The following SLC36A1 variants were observed in gnomAD, a reference collection of about 807,000 sequenced individuals.
SLC36A1 encodes the protein solute carrier family 36 member 1, also known as proton-coupled amino acid transporter 1.
A neutral mutation model predicts 47.5 loss-of-function variants in SLC36A1; 30 were observed. That is an observed-to-expected ratio of 0.63 (90% CI 0.47 to 0.86). SLC36A1 has a LOEUF of 0.86. Among genes scored for constraint, SLC36A1 ranks in the 40% least tolerant of loss-of-function variants. The probability of loss-of-function intolerance (pLI) is 0.00; values close to 1 mark genes in which losing one functional copy is unlikely to be tolerated. For missense variants in SLC36A1, 517 were observed against 606.0 expected (o/e 0.85, Z 1.54); for synonymous variants, 255 against 249.7 (o/e 1.02, Z -0.20).
At chr5:151,420,671 A>G in the SLC36A1 span, among the ~76,000 whole-genome samples, 1 of 152,192 alleles carries the variant, frequency 6.6e-6, no homozygotes, top group Admixed American at 6.5e-5. Flanking sequence ...AAAGTCAAAC[A>G]GTACAGAAGT....
the SLC36A1 span, among the ~76,000 whole-genome samples, chr5:151,389,193 T>C: frequency 6.6e-6 from 1 of 152,204 alleles, no homozygotes; most frequent in Non-Finnish European, 1.5e-5. Flanking sequence ...TCCACCTTCC[T>C]GTGCCTGATG....
the SLC36A1 span, among the ~76,000 whole-genome samples, chr5:151,384,707 A>T: frequency 1.3e-5 from 2 of 152,158 alleles, no homozygotes; most frequent in African/African-American, 4.8e-5. Flanking sequence ...GAGATCGGGC[A>T]CTCACTATAC....
intron 9 of SLC36A1, among the ~76,000 whole-genome samples, chr5:151,478,378 A>G (rs546122524): frequency 1.3e-5 from 2 of 152,310 alleles, no homozygotes; most frequent in Non-Finnish European, 2.9e-5. Flanking sequence ...TGTGCAGTCA[A>G]GGCACTGGAG....
chr5:151,500,976 T>A, the SLC36A1 span, among the ~76,000 whole-genome samples: 14 of 152,018 alleles, frequency 9.2e-5, no homozygotes, highest in African/African-American at 3.4e-4. Context: ...GGGGAGAGGA[T>A]GGAGGTGGGC....
At chr5:151,532,422 A>C in the SLC36A1 span, among the ~76,000 whole-genome samples, 1 of 151,444 alleles carries the variant, frequency 6.6e-6, no homozygotes, top group South Asian at 2.1e-4. Flanking sequence ...CACACACGCA[A>C]ATGAGTGCAT....
chr5:151,483,876 A>C (rs1475014114), intron 10 of SLC36A1, among the ~76,000 whole-genome samples: 2 of 152,202 alleles, frequency 1.3e-5, no homozygotes, highest in Admixed American at 6.5e-5. Flanking sequence ...TATGTGGTTC[A>C]GCTAGGACAG....
chr5:151,369,405 C>T, the SLC36A1 span, among the ~76,000 whole-genome samples: 3 of 152,204 alleles, frequency 2.0e-5, no homozygotes, highest in Admixed American at 6.5e-5. Flanking sequence ...GAAAGGGCAG[C>T]TGAGAAGAAA....
At chr5:151,464,737 C>A (rs764590865) in intron 4 of SLC36A1, 135 bp downstream of exon 4, 2 of 756,434 alleles carry the variant, frequency 2.6e-6, no homozygotes, top group African/African-American at 3.5e-5. Context: ...ATGATTGCAG[C>A]GTTTTCCTTT....
At chr5:151,381,623 C>T in the SLC36A1 span, among the ~76,000 whole-genome samples, 9 of 152,262 alleles carry the variant, frequency 5.9e-5, no homozygotes, top group African/African-American at 1.2e-4. Flanking sequence ...TCAGTTCTTG[C>T]GATATTTTGT....
chr5:151,534,704 C>T, the SLC36A1 span: 16 of 1,414,138 alleles, frequency 1.1e-5, no homozygotes, highest in African/African-American at 2.0e-4. Context: ...AGCATGTGCC[C>T]TCTATATATC....
At chr5:151,535,527 G>A in the SLC36A1 span, among the ~76,000 whole-genome samples, 1 of 149,872 alleles carries the variant, frequency 6.7e-6, no homozygotes, top group Non-Finnish European at 1.5e-5. Flanking sequence ...GGACATGGGA[G>A]CCCCTTTCCT....
At chr5:151,498,466 C>T in the SLC36A1 span, among the ~76,000 whole-genome samples, 1 of 152,170 alleles carries the variant, frequency 6.6e-6, no homozygotes, top group Non-Finnish European at 1.5e-5. Context: ...ACTTTGCAAA[C>T]TAGGCATAAA....
At chr5:151,546,868 G>A in the SLC36A1 span, among the ~76,000 whole-genome samples, 4 of 152,132 alleles carry the variant, frequency 2.6e-5, no homozygotes, top group Admixed American at 2.0e-4. Flanking sequence ...GTGAGCCACC[G>A]TGCCTGGCTA....
At chr5:151,537,954 T>C in the SLC36A1 span, 2 of 1,612,634 alleles carry the variant, frequency 1.2e-6, no homozygotes, top group African/African-American at 1.3e-5. Context: ...AAGCTAGAGA[T>C]GGAAAGACAA....
At chr5:151,513,722 CA>C in the SLC36A1 span, among the ~76,000 whole-genome samples, 2 of 152,040 alleles carry the variant, frequency 1.3e-5, no homozygotes, top group Non-Finnish European at 2.9e-5. Flanking sequence ...AACAAACCTG[CA>C]TATGTACCCC....
rs139487050 is a variant in SLC36A1, at chr5:151,457,022, T to G, written c.-5-1766T>G. 2.1e-3 allele frequency among the ~76,000 whole-genome samples: 315 copies of G among 152,316 alleles called. 1 individual carries two copies. Among genetic ancestry groups the G allele is most frequent in the Non-Finnish European group, 2.6e-3 (180 of 68,018 alleles). On this transcript the variant is annotated intron_variant, in intron 1 of 10. Transcript: ENST00000243389. ...CATCCAGCCACATGCCGGAGGACAG[T>G]CTGACGGGCAAGTAGCTGTGCCAGT...
upstream of SLC36A1, among the ~76,000 whole-genome samples, chr5:151,433,734 G>A (rs1415277643): frequency 2.0e-5 from 3 of 152,036 alleles, no homozygotes; most frequent in Admixed American, 6.6e-5. Flanking sequence ...TCACTCCCAC[G>A]GGTATTTGCT....
chr5:151,422,874 A>G, the SLC36A1 span, among the ~76,000 whole-genome samples: 1 of 152,158 alleles, frequency 6.6e-6, no homozygotes, highest in Non-Finnish European at 1.5e-5. Flanking sequence ...CAAGGGAGGC[A>G]GAGGTTGCAG....
At chr5:151,507,351 C>T in the SLC36A1 span, 171 of 1,614,186 alleles carry the variant, frequency 1.1e-4, no homozygotes, top group Middle Eastern at 1.3e-3. Flanking sequence ...GGAGCTGGCA[C>T]TCAATGGGTT....
Sources: allele counts gnomAD v4.1 joint callset (sites outside exome capture counted in the v4.1 genomes callset), GRCh38; gene constraint gnomAD v4.1.1; transcripts MANE v1.5; gene names NCBI Gene and HGNC (gene_info 2026-07-23, HGNC 2026-07-21).